BST1: variants seen among roughly 807,000 people sequenced by gnomAD.
The protein encoded by BST1 is bone marrow stromal cell antigen 1, also known as ADP-ribosyl cyclase/cyclic ADP-ribose hydrolase 2.
BST1 carries 49 observed loss-of-function variants against 40.6 expected under a neutral mutation model. The observed-to-expected ratio is 1.21, with a 90% CI of 0.96 to 1.53. The LOEUF (loss-of-function observed/expected upper bound fraction) is 1.53. Ranked by LOEUF, BST1 falls within the 40% of genes most tolerant of loss-of-function variation. The pLI is 0.00. For missense variants in BST1, 423 were observed against 395.9 expected (o/e 1.07, Z -0.58); for synonymous variants, 157 against 159.3 (o/e 0.99, Z 0.11).
At chr4:15,769,930 C>G in the BST1 span, among the ~76,000 whole-genome samples, 19 of 152,128 alleles carry the variant, frequency 1.2e-4, no homozygotes, top group Non-Finnish European at 2.2e-4. Flanking sequence ...ACTTCCACCA[C>G]CTAGGCTCAA....
intron 6 of BST1, 35 bp downstream of exon 6, chr4:15,715,834 C>A (rs760941769): frequency 2.1e-6 from 3 of 1,438,756 alleles, no homozygotes; most frequent in Admixed American, 2.4e-5. Flanking sequence ...GATAATTGCA[C>A]AAGTTTGTTT....
intron 8 of BST1, among the ~76,000 whole-genome samples, chr4:15,727,232 T>TA (rs1721163008): frequency 6.6e-6 from 1 of 152,200 alleles, no homozygotes; most frequent in Non-Finnish European, 1.5e-5. Context: ...CACACTGCCT[T>TA]AAAATGTCTC....
chr4:15,734,733 T>C (rs992321937), downstream of BST1, among the ~76,000 whole-genome samples: 5 of 152,118 alleles, frequency 3.3e-5, no homozygotes, highest in Non-Finnish European at 7.4e-5. Flanking sequence ...AAGAAGGAAT[T>C]CAGATAAGAC....
chr4:15,758,682 T>C, the BST1 span, among the ~76,000 whole-genome samples: 9 of 152,366 alleles, frequency 5.9e-5, no homozygotes, highest in Admixed American at 2.0e-4. Context: ...TTGTACCTTG[T>C]TCATCATCTC....
At chr4:15,759,258 C>G in the BST1 span, among the ~76,000 whole-genome samples, 1 of 151,894 alleles carries the variant, frequency 6.6e-6, no homozygotes, top group Admixed American at 6.5e-5. Context: ...GATTTCTGGG[C>G]GAAAGAAGAT....
chr4:15,732,888 G>C (rs1721434347), downstream of BST1: 2 of 152,738 alleles, frequency 1.3e-5, no homozygotes, highest in South Asian at 4.1e-4. Context: ...GAGTGTTACA[G>C]CTCTTAAAGA....
chr4:15,759,158 C>T, the BST1 span, among the ~76,000 whole-genome samples: 1 of 151,900 alleles, frequency 6.6e-6, no homozygotes, highest in Non-Finnish European at 1.5e-5. Flanking sequence ...TTAGGAAGCT[C>T]AAGCATCTCA....
At chr4:15,728,307 T>C (rs920563498) in intron 8 of BST1, among the ~76,000 whole-genome samples, 4 of 152,140 alleles carry the variant, frequency 2.6e-5, no homozygotes, top group African/African-American at 9.7e-5. Context: ...ATTAATAGTT[T>C]TGTGGTAAAT....
At chr4:15,713,135 G>T (rs1454762187) in intron 4 of BST1, among the ~76,000 whole-genome samples, 1 of 152,106 alleles carries the variant, frequency 6.6e-6, no homozygotes, top group Non-Finnish European at 1.5e-5. Flanking sequence ...TATAGTGATG[G>T]GAAGCAGATT....
the BST1 span, among the ~76,000 whole-genome samples, chr4:15,761,947 C>A: frequency 1.4e-4 from 21 of 151,748 alleles, no homozygotes; most frequent in Non-Finnish European, 2.9e-4. Context: ...TGCCTGTAAT[C>A]CCAGCACTTT....
downstream of BST1, among the ~76,000 whole-genome samples, chr4:15,736,698 A>G (rs1721579735): frequency 6.6e-6 from 1 of 151,396 alleles, no homozygotes; most frequent in Admixed American, 6.6e-5. Context: ...ACCCCACTGC[A>G]CTCTCCATGA....
intron 8 of BST1, among the ~76,000 whole-genome samples, chr4:15,727,021 C>G (rs1440805183): frequency 1.3e-5 from 2 of 152,098 alleles, no homozygotes; most frequent in Non-Finnish European, 2.9e-5. Context: ...TTTCTGAGCA[C>G]TTTGCAGTGT....
downstream of BST1, among the ~76,000 whole-genome samples, chr4:15,739,761 G>A (rs1255810528): frequency 6.6e-6 from 1 of 152,062 alleles, no homozygotes; most frequent in African/African-American, 2.4e-5. Context: ...CATTAAACTC[G>A]ATTAAATTTT....
chr4:15,756,737 G>C, the BST1 span, among the ~76,000 whole-genome samples: 1 of 152,162 alleles, frequency 6.6e-6, no homozygotes, highest in Non-Finnish European at 1.5e-5. Context: ...CGGAGGGTGA[G>C]GTTTGGAGTG....
chr4:15,765,524 C>T, the BST1 span, among the ~76,000 whole-genome samples: 5 of 151,922 alleles, frequency 3.3e-5, no homozygotes, highest in Non-Finnish European at 5.9e-5. Flanking sequence ...TGTGCACCAG[C>T]GCCTGCCTAT....
At chr4:15,770,640 C>T in the BST1 span, among the ~76,000 whole-genome samples, 7 of 152,142 alleles carry the variant, frequency 4.6e-5, no homozygotes, top group South Asian at 8.3e-4. Context: ...GCAGAGGTTG[C>T]GGTGAGCCGA....
chr4:15,725,480 T>A (rs1322476737), intron 8 of BST1, among the ~76,000 whole-genome samples: 2 of 152,204 alleles, frequency 1.3e-5, no homozygotes, highest in African/African-American at 4.8e-5. Flanking sequence ...CCTGTGAACC[T>A]GGGTCTTTCC....
intron 8 of BST1, among the ~76,000 whole-genome samples, chr4:15,726,957 G>A (rs1052049827): frequency 3.4e-5 from 5 of 146,574 alleles, no homozygotes; most frequent in Non-Finnish European, 7.4e-5. Flanking sequence ...TGCACCCTCC[G>A]CCTCCCGGGT....
chr4:15,765,859 G>A, the BST1 span, among the ~76,000 whole-genome samples: 52,389 of 151,596 alleles, frequency 0.35, 9,413 homozygotes, highest in South Asian at 0.41. Flanking sequence ...TCATCACCTC[G>A]CATGTGCTAT....
Sources: gnomAD v4.1 joint callset for allele counts (sites outside exome capture counted in the v4.1 genomes callset) on GRCh38, gnomAD v4.1.1 for gene constraint, MANE v1.5 for transcripts, NCBI Gene and HGNC (gene_info 2026-07-23, HGNC 2026-07-21) for gene names.